CDH13: variants seen among roughly 807,000 people sequenced by gnomAD.
CDH13 encodes cadherin-13.
Under a neutral mutation model 63.8 loss-of-function variants are expected in CDH13, and 24 were observed. The ratio of observed to expected loss-of-function variants is 0.38; its 90% CI spans 0.27 to 0.53. The LOEUF (loss-of-function observed/expected upper bound fraction) is 0.53. CDH13 is among the 20% of genes least tolerant of loss of function. The probability of loss-of-function intolerance (pLI) is 0.85; values close to 1 mark genes in which losing one functional copy is unlikely to be tolerated. For missense variants in CDH13, 1,049 were observed against 903.1 expected (o/e 1.16, Z -2.07); for synonymous variants, 503 against 355.3 (o/e 1.42, Z -4.67).
intron 5 of CDH13, among the ~76,000 whole-genome samples, chr16:83,252,296 T>G (rs118141490): frequency 0.14 from 20,225 of 149,732 alleles, 1,546 homozygotes; most frequent in African/African-American, 0.18. Flanking sequence ...TTTTATTTAT[T>G]TATTTTTATT....
intron 6 of CDH13, among the ~76,000 whole-genome samples, chr16:83,420,877 T>C (rs976979052): frequency 2.0e-5 from 3 of 152,060 alleles, no homozygotes; most frequent in Non-Finnish European, 4.4e-5. Context: ...AAGTCTGATG[T>C]TCAAGGGCAA....
chr16:83,448,874 C>T (rs1195202595), intron 6 of CDH13, among the ~76,000 whole-genome samples: 1 of 152,128 alleles, frequency 6.6e-6, no homozygotes, highest in Non-Finnish European at 1.5e-5. Context: ...GGTCACAGGA[C>T]TTGATGATTT....
intron 1 of CDH13, chr16:82,824,995 T>G (rs1341729798): frequency 2.6e-5 from 4 of 152,184 alleles, no homozygotes; most frequent in Non-Finnish European, 5.9e-5. Flanking sequence ...ATATCTAGAA[T>G]TTTCTTTAAG....
At chr16:83,442,079 G>A (rs1023960205) in intron 6 of CDH13, among the ~76,000 whole-genome samples, 14 of 152,064 alleles carry the variant, frequency 9.2e-5, no homozygotes, top group African/African-American at 2.9e-4. Context: ...ACTTGCAGTC[G>A]GACCGGAGGA....
chr16:83,252,751 G>A (rs1905733414), intron 5 of CDH13, among the ~76,000 whole-genome samples: 2 of 152,192 alleles, frequency 1.3e-5, no homozygotes, highest in East Asian at 3.9e-4. Context: ...CTTCTAATGT[G>A]TAGGAATGCT....
chr16:83,673,993 C>T (rs1478123744), intron 9 of CDH13, among the ~76,000 whole-genome samples: 1 of 152,162 alleles, frequency 6.6e-6, no homozygotes, highest in Non-Finnish European at 1.5e-5. Flanking sequence ...TTGGCTGCCT[C>T]CCAGGTCAGT....
At chr16:83,709,147 G>C (rs12444641) in intron 10 of CDH13, among the ~76,000 whole-genome samples, 42,679 of 152,030 alleles carry the variant, frequency 0.28, 6,374 homozygotes, top group Middle Eastern at 0.46. Context: ...GAAGAATCCA[G>C]AGGTCAAGGA....
chr16:82,899,431 ATAAAATGGCACTTAAC>A (rs899860120), intron 2 of CDH13, among the ~76,000 whole-genome samples: 1 of 152,238 alleles, frequency 6.6e-6, no homozygotes, highest in African/African-American at 2.4e-5. Context: ...GAAAGGTATC[ATAAAATGGCACTTAAC>A]TTTCAGAATC....
chr16:82,899,457 C>G (rs1022852054), intron 2 of CDH13, among the ~76,000 whole-genome samples: 1 of 152,072 alleles, frequency 6.6e-6, no homozygotes, highest in Non-Finnish European at 1.5e-5. Context: ...CTTTCAGAAT[C>G]CTTATGTTAT....
chr16:83,443,083 C>T (rs2072530363), intron 6 of CDH13, among the ~76,000 whole-genome samples: 1 of 152,254 alleles, frequency 6.6e-6, no homozygotes, highest in Non-Finnish European at 1.5e-5. Context: ...CATATTTCAT[C>T]TCAGCAGACT....
intron 2 of CDH13, among the ~76,000 whole-genome samples, chr16:82,995,849 G>T (rs1019711203): frequency 6.6e-6 from 1 of 152,080 alleles, no homozygotes; most frequent in East Asian, 1.9e-4. Flanking sequence ...CAACCCTCTC[G>T]CGGGCTGCTG....
intron 1 of CDH13, among the ~76,000 whole-genome samples, chr16:82,736,265 T>C (rs181683510): frequency 6.6e-6 from 1 of 152,278 alleles, no homozygotes; most frequent in Admixed American, 6.5e-5. Flanking sequence ...TAACTAAATA[T>C]ATTTATATAA....
chr16:83,353,368 C>T (rs1019378865), intron 6 of CDH13, among the ~76,000 whole-genome samples: 1 of 152,170 alleles, frequency 6.6e-6, no homozygotes, highest in Non-Finnish European at 1.5e-5. Flanking sequence ...CCCAGGCCCC[C>T]ACCCTGATGG....
At chr16:83,348,485 G>A (rs2090885886) in intron 6 of CDH13, among the ~76,000 whole-genome samples, 1 of 152,200 alleles carries the variant, frequency 6.6e-6, no homozygotes, top group African/African-American at 2.4e-5. Context: ...AGCCTTTGTG[G>A]CCTCACACAG....
intron 10 of CDH13, among the ~76,000 whole-genome samples, chr16:83,693,623 A>C (rs1248523697): frequency 6.6e-6 from 1 of 152,210 alleles, no homozygotes; most frequent in African/African-American, 2.4e-5. Context: ...GTAAGCAAGC[A>C]CTCAGAGATG....
rs550267069 is a variant in CDH13 at position 82,634,899 on chromosome 16, T to A, written c.45+7762T>A. ...AAATATCTATGATCTCTATGGAGGATCTACTATGTTCCAAGCACCACTTGT... is the reference window on the plus strand; with the variant it reads ...AAATATCTATGATCTCTATGGAGGAACTACTATGTTCCAAGCACCACTTGT... On this transcript the variant is annotated intron_variant, in intron 1 of 13. Coordinates refer to ENST00000567109, the MANE Select transcript of CDH13 (RefSeq NM_001257.5). Among the ~76,000 whole-genome samples the A allele has an allele frequency of 1.3e-4, 20 of 152,306 alleles. No homozygotes were observed. In the South Asian group the frequency reaches 3.1e-3, roughly 24 times the overall value.
intron 1 of CDH13, among the ~76,000 whole-genome samples, chr16:82,751,477 G>A (rs1441867769): frequency 6.6e-6 from 1 of 152,046 alleles, no homozygotes. Context: ...GGCACACACT[G>A]ACCTCCTACT....
At chr16:82,944,950 T>G (rs1904535694) in intron 2 of CDH13, among the ~76,000 whole-genome samples, 1 of 152,162 alleles carries the variant, frequency 6.6e-6, no homozygotes, top group Non-Finnish European at 1.5e-5. Context: ...GAAATACAAA[T>G]TAAAGTAGGC....
chr16:83,305,886 C>G (rs2089863295), intron 5 of CDH13, among the ~76,000 whole-genome samples: 1 of 152,198 alleles, frequency 6.6e-6, no homozygotes, highest in Non-Finnish European at 1.5e-5. Context: ...GTGTCCTAAT[C>G]TACAACATAG....
Sources: allele counts gnomAD v4.1 joint callset (sites outside exome capture counted in the v4.1 genomes callset), GRCh38; gene constraint gnomAD v4.1.1; transcripts MANE v1.5; gene names NCBI Gene and HGNC (gene_info 2026-07-23, HGNC 2026-07-21).